MTOR: variants seen among roughly 807,000 people sequenced by gnomAD.
MTOR encodes the protein mechanistic target of rapamycin kinase.
A neutral mutation model predicts 319.8 loss-of-function variants in MTOR; 70 were observed. The ratio of observed to expected loss-of-function variants is 0.22; its 90% CI spans 0.18 to 0.27. The LOEUF is 0.27. MTOR is among the 10% of genes least tolerant of loss of function. The probability of loss-of-function intolerance (pLI) is 1.00; values close to 1 mark genes in which losing one functional copy is unlikely to be tolerated. For missense variants in MTOR, 1,890 were observed against 3,274.4 expected, an observed-to-expected ratio of 0.58 and a Z score of 10.32; for synonymous variants, 1,183 against 1,211.4, an observed-to-expected ratio of 0.98 and a Z score of 0.49.
At chr1:11,194,318 G>C in intron 28 of MTOR, 1 of 782,000 alleles carries the variant, frequency 1.3e-6, no homozygotes, top group East Asian at 2.5e-5. Flanking sequence ...CAGTAAACTG[G>C]AGGTAAACAA....
At chr1:11,139,751 G>A (rs1643599703) in intron 34 of MTOR, 93 bp from the exon 35 acceptor site, 8 of 1,513,288 alleles carry the variant, frequency 5.3e-6, no homozygotes, top group Non-Finnish European at 7.2e-6. Context: ...GAGTGCAGTG[G>A]TGCAATCTTG....
chr1:11,198,625 G>A (rs926112081), intron 28 of MTOR, among the ~76,000 whole-genome samples: 1 of 152,182 alleles, frequency 6.6e-6, no homozygotes, highest in African/African-American at 2.4e-5. Flanking sequence ...TAGGGGAAGT[G>A]AATGGTTTTT....
chr1:11,177,464 G>A (rs749686268), intron 28 of MTOR, among the ~76,000 whole-genome samples: 3 of 152,116 alleles, frequency 2.0e-5, no homozygotes, highest in Admixed American at 6.5e-5. Context: ...AGACTAAGGC[G>A]GGAGGAACAC....
At chr1:11,202,892 A>G (rs928448454) in intron 26 of MTOR, among the ~76,000 whole-genome samples, 1 of 148,512 alleles carries the variant, frequency 6.7e-6, no homozygotes, top group Non-Finnish European at 1.5e-5. Flanking sequence ...CGGGCAGCAG[A>G]GACCCTGTTT....
In MTOR at chr1:11,212,759, G is replaced by T; in HGVS notation, c.3398+37C>A. 6.6e-7 allele frequency: 1 copy of T among 1,515,178 alleles called. No homozygotes were observed. Among genetic ancestry groups the T allele is most frequent in the South Asian group, 1.1e-5 (1 of 88,828 alleles). 93.9% of individuals were successfully genotyped at this position (1,515,178 alleles called of 1,614,324 possible). A position where few individuals can be genotyped will look rare whatever the true frequency, so the allele number is the denominator to read the frequency against. On this transcript the variant is annotated intron_variant, in intron 22 of 57. Coordinates refer to ENST00000361445, the MANE Select transcript of MTOR (RefSeq NM_004958.4). This position sits in a 1 kb window ranked among gnomAD's most constrained non-coding sequence, Gnocchi z 4.1. ...TGAACATTTTCAACAAAACATTAAA[G>T]CTTAAAGATTGCTAGTCCCAAAGAG...
chr1:11,140,983 G>A (rs371893000), intron 34 of MTOR, among the ~76,000 whole-genome samples: 152 of 129,766 alleles, frequency 1.2e-3, no homozygotes, highest in South Asian at 1.7e-3. Flanking sequence ...TAAGACTTCT[G>A]AAAAAAAAAA....
intron 47 of MTOR, 142 bp downstream of exon 47, chr1:11,124,355 TG>T: frequency 9.1e-7 from 1 of 1,100,630 alleles, no homozygotes; most frequent in Non-Finnish European, 1.3e-6. Context: ...CTGGAGTTTC[TG>T]GGACTACAGG....
At chr1:11,220,995 TTA>T (rs1381897359) in intron 19 of MTOR, among the ~76,000 whole-genome samples, 1 of 36,582 alleles carries the variant, frequency 2.7e-5, no homozygotes, top group Admixed American at 5.8e-4. Context: ...AAAACAAAAG[TTA>T]ATTTTTTTTT....
rs745904361 is a variant in MTOR, at chr1:11,213,407, A to C, written c.3277T>G (p.Ser1093Ala). ...MHDNSPGRIV[S>A]IKLLAAIQLF... ...TGACGTAGGCTACTCACCTTGATAG[A>C]GACAATGCGGCCTGGGCTGTTGTCA... The change falls in exon 21 of 58, where the codon TCT becomes GCT. Residue 1093 changes from serine to alanine, a missense_variant. Around this residue, in one of 15 missense-constraint regions of MTOR, gnomAD observed 377 missense variants for 653.9 expected, o/e 0.58. Coordinates refer to ENST00000361445, the MANE Select transcript of MTOR (RefSeq NM_004958.4). 5.6e-6 allele frequency: 9 copies of C among 1,612,056 alleles called. No individual in the cohort carries two copies. The highest frequency in any genetic ancestry group is 7.6e-6 in the Non-Finnish European group (9 of 1,179,800).
chr1:11,251,152 T>C (rs1317803722), intron 6 of MTOR, among the ~76,000 whole-genome samples: 1 of 99,266 alleles, frequency 1.0e-5, no homozygotes, highest in Non-Finnish European at 2.5e-5. Context: ...AAAGGCCCTA[T>C]GTGATATGCC....
chr1:11,257,206 T>A, intron 3 of MTOR, 41 bp from the exon 4 acceptor site: 1 of 1,542,756 alleles, frequency 6.5e-7, no homozygotes, highest in Non-Finnish European at 8.9e-7. Context: ...ATGGGGCGTA[T>A]GCTGGCCAGG....
At chr1:11,246,903 T>A (rs1054866046) in intron 8 of MTOR, among the ~76,000 whole-genome samples, 2 of 152,260 alleles carry the variant, frequency 1.3e-5, no homozygotes, top group African/African-American at 2.4e-5. Flanking sequence ...TAATATATAA[T>A]GGTTTCCACT....
intron 11 of MTOR, among the ~76,000 whole-genome samples, chr1:11,240,055 G>T (rs1647800047): frequency 6.6e-6 from 1 of 152,184 alleles, no homozygotes; most frequent in Non-Finnish European, 1.5e-5. Flanking sequence ...TGTCTCTGAA[G>T]CATTATTTCC....
intron 49 of MTOR, among the ~76,000 whole-genome samples, chr1:11,120,069 T>A (rs1038137931): frequency 6.8e-6 from 1 of 147,298 alleles, no homozygotes; most frequent in African/African-American, 2.5e-5. Flanking sequence ...AAAAAAAAAT[T>A]TATATATATA....
In MTOR at chr1:11,253,650, A is replaced by G. The variant is rs141659637; in HGVS notation, c.840+189T>C. On this transcript the variant is annotated intron_variant, in intron 6 of 57. Coordinates refer to ENST00000361445, the MANE Select transcript of MTOR (RefSeq NM_004958.4). ...TTGACCCTCCACTCACCCCCTCCCC[A>G]TCACTCTCTATTCTATTCTGGTTTG... 2.9e-3 allele frequency among the ~76,000 whole-genome samples: 436 copies of G among 152,156 alleles called. 2 individuals carry two copies. Among genetic ancestry groups the G allele is most frequent in the African/African-American group, 9.5e-3 (393 of 41,520 alleles).
At position 11,127,551 on chromosome 1, in the gene MTOR, T is replaced by C. The variant is rs1046252114; in HGVS notation, c.6216+73A>G. ...ACGTCCTTTCATTCTATAAAAACTT[T>C]TCTCATTTCATTTTTTTTTAGTGGC... On this transcript the variant is annotated intron_variant, in intron 44 of 57. Transcript: ENST00000361445. This position sits in a 1 kb window ranked among gnomAD's most constrained non-coding sequence, Gnocchi z 5.5. The C allele has an allele frequency of 6.6e-7, 1 of 1,504,870 alleles. No individual in the cohort carries two copies. The highest frequency in any genetic ancestry group is 8.9e-7 in the Non-Finnish European group (1 of 1,122,422). 93.2% of individuals were successfully genotyped at this position (1,504,870 alleles called of 1,614,324 possible).
In MTOR at chr1:11,181,705, G is replaced by A. The variant is rs549986083; in HGVS notation, c.4254-14188C>T. The stretch of plus-strand genomic sequence containing the variant: ...CTCACCACAGTAAAACACTGGAAAC[G>A]TCCATGGAGAGAGACTGTAAGTCTC... On this transcript the variant is annotated intron_variant, in intron 28 of 57. Transcript: ENST00000361445. Among the ~76,000 whole-genome samples the A allele has an allele frequency of 3.3e-5, 5 of 152,272 alleles. No homozygotes were observed. In the East Asian group the frequency reaches 5.8e-4, roughly 18 times the overall value.
In MTOR at chr1:11,241,687, G is replaced by C. The variant is rs1484581372; in HGVS notation, c.1413-6C>G. On this transcript the variant is annotated splice_region_variant and splice_polypyrimidine_tract_variant and intron_variant, in intron 9 of 57. Coordinates refer to ENST00000361445, the MANE Select transcript of MTOR (RefSeq NM_004958.4). The stretch of plus-strand genomic sequence containing the variant: ...CCTGCATTGCCTTCTGCCTCCTGTA[G>C]AGAAATGGAGAGTGGCTAGTTGAGA... The C allele has an allele frequency of 1.9e-6, 3 of 1,607,578 alleles. No individual in the cohort carries two copies. The highest frequency in any genetic ancestry group is 1.7e-5 in the Admixed American group (1 of 59,040).
At chr1:11,158,178 T>C (rs995639102) in intron 29 of MTOR, among the ~76,000 whole-genome samples, 2 of 152,222 alleles carry the variant, frequency 1.3e-5, no homozygotes, top group African/African-American at 4.8e-5. Flanking sequence ...GCTCAATAAA[T>C]GACTATTTTT....
Sources: gnomAD v4.1 joint callset for allele counts (sites outside exome capture counted in the v4.1 genomes callset) on GRCh38, gnomAD v4.1.1 for gene constraint, gnomAD v4.1.1 regional missense constraint, Gnocchi (gnomAD v3.1) non-coding constraint, MANE v1.5 for transcripts, NCBI Gene and HGNC (gene_info 2026-07-23, HGNC 2026-07-21) for gene names.